The following MSH3 variants were observed in gnomAD, a reference collection of about 807,000 sequenced individuals.
MSH3 encodes the protein mutS homolog 3, also known as DNA mismatch repair protein Msh3.
A neutral mutation model predicts 123.3 loss-of-function variants in MSH3; 106 were observed. That is an observed-to-expected ratio of 0.86 (90% confidence interval 0.73 to 1.01). The LOEUF (loss-of-function observed/expected upper bound fraction) is 1.01, where lower values mean the gene tolerates loss of function less well. MSH3 is among the 50% of genes least tolerant of loss of function. The pLI, the probability that MSH3 is intolerant of heterozygous loss-of-function variation, is 0.00. For synonymous variants in MSH3, 515 were observed against 481.4 expected, an observed-to-expected ratio of 1.07 and a Z score of -0.91; for missense variants, 1,459 against 1,347.6, an observed-to-expected ratio of 1.08 and a Z score of -1.29.
chr5:80,681,390 A>T (rs910970841), intron 8 of MSH3, among the ~76,000 whole-genome samples: 7 of 152,064 alleles, frequency 4.6e-5, no homozygotes, highest in African/African-American at 1.7e-4. Context: ...GGTGATCAAG[A>T]GCTTTATAAA....
chr5:80,809,512 C>G (rs933955293), intron 19 of MSH3, among the ~76,000 whole-genome samples: 1 of 152,104 alleles, frequency 6.6e-6, no homozygotes, highest in South Asian at 2.1e-4. Context: ...TTTCTCATAT[C>G]TTTCTAAACT....
At chr5:80,842,523 AT>A (rs1561496006) in intron 20 of MSH3, among the ~76,000 whole-genome samples, 1 of 152,112 alleles carries the variant, frequency 6.6e-6, no homozygotes, top group Non-Finnish European at 1.5e-5. Flanking sequence ...CACAATATTG[AT>A]TCTTCCTATC....
At chr5:80,725,306 CTCTT>C (rs1743262361) in intron 8 of MSH3, 143 bp from the exon 9 acceptor site, 1 of 593,060 alleles carries the variant, frequency 1.7e-6, no homozygotes, top group Non-Finnish European at 3.0e-6. Flanking sequence ...GAAACTTTAG[CTCTT>C]TCTTTCTCTC....
At chr5:80,781,440 T>A (rs1230944210) in intron 17 of MSH3, among the ~76,000 whole-genome samples, 1 of 152,026 alleles carries the variant, frequency 6.6e-6, no homozygotes, top group Non-Finnish European at 1.5e-5. Context: ...TATTCTTGAT[T>A]CTTTCTTCCT....
At chr5:80,662,453 G>T (rs1181386747) in intron 2 of MSH3, among the ~76,000 whole-genome samples, 1 of 152,054 alleles carries the variant, frequency 6.6e-6, no homozygotes, top group East Asian at 1.9e-4. Flanking sequence ...AAGAGTCCCT[G>T]ATTATTTCAT....
chr5:80,863,526 C>T (rs1025716662), intron 21 of MSH3, among the ~76,000 whole-genome samples: 6 of 151,894 alleles, frequency 4.0e-5, no homozygotes, highest in Non-Finnish European at 7.4e-5. Context: ...AAAAAATTAG[C>T]CAGGCGTGGT....
intron 22 of MSH3, among the ~76,000 whole-genome samples, chr5:80,865,717 T>C (rs1746087304): frequency 6.6e-6 from 1 of 152,162 alleles, no homozygotes; most frequent in South Asian, 2.1e-4. Flanking sequence ...AGTCCTGTGG[T>C]GGTTTGCGCA....
intron 2 of MSH3, among the ~76,000 whole-genome samples, chr5:80,664,911 A>C (rs536545277): frequency 6.6e-6 from 1 of 152,130 alleles, no homozygotes; most frequent in South Asian, 2.1e-4. Flanking sequence ...AAGAAAAAAA[A>C]CCTCTACTAT....
intron 10 of MSH3, among the ~76,000 whole-genome samples, chr5:80,734,823 C>T (rs956549830): frequency 3.3e-5 from 5 of 152,032 alleles, no homozygotes; most frequent in African/African-American, 1.2e-4. Context: ...TTCTAGTTTC[C>T]CTGCGCCCAC....
At chr5:80,837,901 G>C (rs188240589) in intron 20 of MSH3, among the ~76,000 whole-genome samples, 1 of 152,182 alleles carries the variant, frequency 6.6e-6, no homozygotes, top group Non-Finnish European at 1.5e-5. Context: ...GTTGCTGGCA[G>C]AATTCATTTC....
rs755629943 is a variant in MSH3, at chr5:80,692,198, TTAGA to T, written c.1340+13112_1340+13115del. On this transcript the variant is annotated intron_variant, in intron 8 of 23. Transcript: ENST00000265081. ...TTTAGATAGATAAACATGTATATGTTTAGATAGATAAACATGTATATGTTTAGAT... is the reference window on the plus strand; with the variant it reads ...TTTAGATAGATAAACATGTATATGTTTAGATAAACATGTATATGTTTAGAT... 1.5e-3 allele frequency among the ~76,000 whole-genome samples: 113 copies of T among 75,196 alleles called. 2 individuals are homozygous for T. Among genetic ancestry groups the T allele is most frequent in the East Asian group, 0.015 (30 of 2,058 alleles). The allele number at this position is 75,196 out of a possible 152,430, so 49.3% of individuals were successfully genotyped here.
intron 22 of MSH3, among the ~76,000 whole-genome samples, chr5:80,870,497 C>T (rs888867751): frequency 6.6e-6 from 1 of 152,128 alleles, no homozygotes; most frequent in African/African-American, 2.4e-5. Flanking sequence ...AAAAAATTAT[C>T]CAGGTTTGCA....
At position 80,662,826 on chromosome 5, in the gene MSH3, CA is replaced by C. The variant is rs34742685; in HGVS notation, c.359-2303del. Reference sequence around the variant, plus strand: ...TGGGTGACAGAGTGAGACTCTGTCTCAAAAAAAAAAAAAATTTTATTTGGGA... The same window carrying C: ...TGGGTGACAGAGTGAGACTCTGTCTCAAAAAAAAAAAAATTTTATTTGGGA... On this transcript the variant is annotated intron_variant, in intron 2 of 23. Transcript: ENST00000265081. 1.6e-3 allele frequency among the ~76,000 whole-genome samples: 180 copies of C among 113,084 alleles called. 1 individual carries two copies. The East Asian group carries it at 0.022, about 14-fold the overall frequency. The allele number at this position is 113,084 out of a possible 152,430, so 74.2% of individuals were successfully genotyped here. A position where few individuals can be genotyped will look rare whatever the true frequency, so the allele number is the denominator to read the frequency against.
rs537660950 is a variant in MSH3 at position 80,694,378 on chromosome 5, T to C, written c.1340+15285T>C. On this transcript the variant is annotated intron_variant, in intron 8 of 23. Transcript: ENST00000265081. The stretch of plus-strand genomic sequence containing the variant: ...ACTTATCACAGTGTACTTGTGTCAT[T>C]GTTTTACCAGTTTGAGTGAAATATA... Among the ~76,000 whole-genome samples the C allele has an allele frequency of 3.9e-5, 6 of 152,348 alleles. No individual in the cohort carries two copies. In the East Asian group the frequency reaches 1.2e-3, roughly 29 times the overall value.
At chr5:80,775,862 T>A (rs1744290175) in intron 16 of MSH3, 104 bp downstream of exon 16, 1 of 711,162 alleles carries the variant, frequency 1.4e-6, no homozygotes, top group Non-Finnish European at 2.5e-6. Context: ...TTAAAAGCAA[T>A]TCTTTTTACT....
intron 2 of MSH3, among the ~76,000 whole-genome samples, chr5:80,663,429 A>G (rs1238254079): frequency 1.3e-5 from 2 of 151,286 alleles, no homozygotes; most frequent in African/African-American, 4.9e-5. Context: ...TGGCCTCTCT[A>G]CTCCATTTCA....
At position 80,787,026 on chromosome 5, in the gene MSH3, T is replaced by C. The variant is rs145687344; in HGVS notation, c.2436-539T>C. 4.6e-5 allele frequency among the ~76,000 whole-genome samples: 7 copies of C among 152,300 alleles called. No individual in the cohort carries two copies. In the East Asian group the frequency reaches 1.3e-3, roughly 29 times the overall value. The stretch of plus-strand genomic sequence containing the variant: ...CTTTTCCCCTTGTCTTCAATAAATA[T>C]TTATTACAGTGTTTATTTTATGCCA... On this transcript the variant is annotated intron_variant, in intron 17 of 23. Transcript: ENST00000265081.
At chr5:80,719,980 C>G (rs775252826) in intron 8 of MSH3, among the ~76,000 whole-genome samples, 8 of 152,138 alleles carry the variant, frequency 5.3e-5, no homozygotes, top group Non-Finnish European at 7.3e-5. Context: ...ATCTGTGTTT[C>G]TAACAAGTCC....
At chr5:80,860,966 C>T (rs538416021) in intron 21 of MSH3, among the ~76,000 whole-genome samples, 18 of 152,256 alleles carry the variant, frequency 1.2e-4, no homozygotes, top group Non-Finnish European at 2.2e-4. Flanking sequence ...TCATCAAACA[C>T]ATTCTTCATT....
Sources: allele counts gnomAD v4.1 joint callset (sites outside exome capture counted in the v4.1 genomes callset), GRCh38; gene constraint gnomAD v4.1.1; transcripts MANE v1.5; gene names NCBI Gene and HGNC (gene_info 2026-07-23, HGNC 2026-07-21).